The following RGS17 variants were observed in gnomAD, a reference collection of about 807,000 sequenced individuals.
RGS17 encodes the protein regulator of G protein signaling 17, also known as regulator of G-protein signaling 17.
In RGS17, 12 loss-of-function variants were observed where a neutral mutation model predicts 25.5. That is an observed-to-expected ratio of 0.47 (90% confidence interval 0.30 to 0.76). The LOEUF (loss-of-function observed/expected upper bound fraction) is 0.76. RGS17 is among the 30% of genes least tolerant of loss of function. The probability of loss-of-function intolerance (pLI) is 0.07; values close to 1 mark genes in which losing one functional copy is unlikely to be tolerated. For synonymous variants in RGS17, 71 were observed against 76.9 expected (o/e 0.92, Z 0.40); for missense variants, 196 against 242.2 (o/e 0.81, Z 1.27).
At chr6:153,097,158 C>G (rs1777225295) in intron 1 of RGS17, among the ~76,000 whole-genome samples, 1 of 151,990 alleles carries the variant, frequency 6.6e-6, no homozygotes, top group Non-Finnish European at 1.5e-5. Flanking sequence ...TCAAATATTT[C>G]TTATGAGCAA....
intron 1 of RGS17, among the ~76,000 whole-genome samples, chr6:153,095,016 G>A (rs967925342): frequency 1.3e-5 from 2 of 152,012 alleles, no homozygotes; most frequent in African/African-American, 2.4e-5. Flanking sequence ...TATTAATAAT[G>A]ATGCATAATC....
rs191793295 is a variant in RGS17, at chr6:153,113,300, A to G, written c.-26+17824T>C. Among the ~76,000 whole-genome samples the G allele has an allele frequency of 2.0e-5, 3 of 152,332 alleles. No homozygotes were observed. The East Asian group carries it at 5.8e-4, about 29-fold the overall frequency. ...GCCATCCTTGTCTCTGATAAAACAG[A>G]CTTTAAACCAACAAAAATAAAAAAA... On this transcript the variant is annotated intron_variant, in intron 1 of 4. Coordinates refer to ENST00000206262, the MANE Select transcript of RGS17 (RefSeq NM_012419.5).
chr6:153,097,290 ATTTTTTTTTTTT>A (rs3083488), intron 1 of RGS17, among the ~76,000 whole-genome samples: 24 of 88,302 alleles, frequency 2.7e-4, no homozygotes, highest in African/African-American at 7.8e-4. Context: ...CGTTTTTTTG[ATTTTTTTTTTTT>A]TTTTTTTTTT....
chr6:153,104,117 G>A (rs910927729), intron 1 of RGS17, among the ~76,000 whole-genome samples: 1 of 152,176 alleles, frequency 6.6e-6, no homozygotes, highest in Non-Finnish European at 1.5e-5. Flanking sequence ...CAGGTTTTCA[G>A]AGTCACATAG....
chr6:153,046,609 G>T (rs1776387590), intron 1 of RGS17, among the ~76,000 whole-genome samples: 1 of 152,014 alleles, frequency 6.6e-6, no homozygotes, highest in Non-Finnish European at 1.5e-5. Context: ...GCTATTAAAA[G>T]ATTTACACAT....
intron 1 of RGS17, among the ~76,000 whole-genome samples, chr6:153,081,105 T>C (rs1476777422): frequency 6.6e-6 from 1 of 152,138 alleles, no homozygotes; most frequent in Admixed American, 6.5e-5. Context: ...TTTTATAAAT[T>C]TCAATTAGAT....
chr6:153,045,747 C>T (rs1776377207), intron 1 of RGS17, among the ~76,000 whole-genome samples: 1 of 151,956 alleles, frequency 6.6e-6, no homozygotes, highest in Non-Finnish European at 1.5e-5. Context: ...AACAGAATCA[C>T]CTAAAATTAG....
chr6:153,072,528 G>T (rs1025190153), intron 1 of RGS17, among the ~76,000 whole-genome samples: 3 of 152,194 alleles, frequency 2.0e-5, no homozygotes, highest in African/African-American at 7.2e-5. Flanking sequence ...TTCGTTACTG[G>T]ATGTCCAGTT....
chr6:153,081,935 A>G lies in RGS17; in HGVS notation c.-25-37892T>C, dbSNP rs541623037. Among the ~76,000 whole-genome samples the G allele has an allele frequency of 2.9e-4, 44 of 152,282 alleles. No individual in the cohort carries two copies. In the South Asian group the frequency reaches 4.3e-3, roughly 15 times the overall value. ...CTTGCATTACAGTTCTGTTTGACAC[A>G]TATTTTCTCAGTTATTGATGACTGG... On this transcript the variant is annotated intron_variant, in intron 1 of 4. Transcript: ENST00000206262.
intron 4 of RGS17, among the ~76,000 whole-genome samples, chr6:153,023,587 A>G (rs1204561967): frequency 6.6e-6 from 1 of 152,244 alleles, no homozygotes; most frequent in African/African-American, 2.4e-5. Flanking sequence ...CTTATTGATT[A>G]GGTACATTTT....
chr6:153,020,011 T>C (rs1283515971), intron 4 of RGS17, among the ~76,000 whole-genome samples: 1 of 148,926 alleles, frequency 6.7e-6, no homozygotes, highest in Non-Finnish European at 1.5e-5. Flanking sequence ...TGTAAATTTC[T>C]AGTTTTTTTT....
rs538106165 is a variant in RGS17 at position 153,013,665 on chromosome 6, T to C, written c.445-1903A>G. Among the ~76,000 whole-genome samples, 6 of 152,338 alleles carry C rather than the reference T, an allele frequency of 3.9e-5. No homozygotes were observed. In the East Asian group the frequency reaches 1.2e-3, roughly 29 times the overall value. On this transcript the variant is annotated intron_variant, in intron 4 of 4. Coordinates refer to ENST00000206262, the MANE Select transcript of RGS17 (RefSeq NM_012419.5). The stretch of plus-strand genomic sequence containing the variant: ...AAGGAAATTAAAAGTGTTACTCCAG[T>C]GAACATGTGAATAAGAAAGCAAAAC...
Position 153,026,563 on chromosome 6 carries a change from T to A in RGS17, c.120-20A>T, listed in dbSNP as rs753686780. On this transcript the variant is annotated intron_variant, in intron 2 of 4. Coordinates refer to ENST00000206262, the MANE Select transcript of RGS17 (RefSeq NM_012419.5). ...GTGAGGCTGTAATGTAACAGAACAT[T>A]TAATTTTGTCAAGGGAAATTCAATC... 3 of 1,585,688 alleles carry A rather than the reference T, an allele frequency of 1.9e-6. No individual in the cohort carries two copies. The African/African-American group carries it at 4.0e-5, about 21-fold the overall frequency.
chr6:153,057,654 T>C (rs775606007), intron 1 of RGS17, among the ~76,000 whole-genome samples: 1 of 152,220 alleles, frequency 6.6e-6, no homozygotes, highest in Non-Finnish European at 1.5e-5. Flanking sequence ...GTGCTCTTTA[T>C]TTCTATTATT....
intron 4 of RGS17, among the ~76,000 whole-genome samples, chr6:153,013,970 G>C (rs1779158377): frequency 6.6e-6 from 1 of 152,202 alleles, no homozygotes; most frequent in African/African-American, 2.4e-5. Context: ...AGAAGATCTA[G>C]CTAAGATAAT....
At chr6:153,050,022 A>G (rs1776440809) in intron 1 of RGS17, among the ~76,000 whole-genome samples, 1 of 152,212 alleles carries the variant, frequency 6.6e-6, no homozygotes, top group South Asian at 2.1e-4. Context: ...CCTGGCTTAA[A>G]TTAGAGTATG....
At chr6:153,082,996 T>C (rs1383580853) in intron 1 of RGS17, among the ~76,000 whole-genome samples, 2 of 152,184 alleles carry the variant, frequency 1.3e-5, no homozygotes, top group Non-Finnish European at 2.9e-5. Flanking sequence ...GGAGTCTGAA[T>C]GGCTTTCTGC....
At position 153,008,667 on chromosome 6, in the gene RGS17, G is replaced by C. The variant is rs926809602; in HGVS notation, c.*2907C>G. The C allele has an allele frequency of 1.3e-5, 2 of 152,156 alleles. No homozygotes were observed. Among genetic ancestry groups the C allele is most frequent in the African/African-American group, 2.4e-5 (1 of 41,428 alleles). 9.4% of individuals were successfully genotyped at this position (152,156 alleles called of 1,614,324 possible). On this transcript the variant is annotated 3_prime_UTR_variant, in exon 5 of 5. Transcript: ENST00000206262. Reference sequence around the variant, plus strand: ...CTGTGTGCATCAGCAAATTCTAATAGTATACAAAGATACCTTGGCAATTGA... The same window carrying C: ...CTGTGTGCATCAGCAAATTCTAATACTATACAAAGATACCTTGGCAATTGA...
chr6:153,124,869 G>A (rs925428045), intron 1 of RGS17, among the ~76,000 whole-genome samples: 4 of 152,238 alleles, frequency 2.6e-5, no homozygotes, highest in African/African-American at 7.2e-5. Context: ...GTAATAGGAC[G>A]TGGACATAGG....
Sources: allele counts gnomAD v4.1 joint callset (sites outside exome capture counted in the v4.1 genomes callset), GRCh38; gene constraint gnomAD v4.1.1; transcripts MANE v1.5; gene names NCBI Gene and HGNC (gene_info 2026-07-23, HGNC 2026-07-21).